Variants in MUC21 observed in about 807,000 individuals in gnomAD.
The protein encoded by MUC21 is mucin-21.
Under a neutral mutation model 9.1 loss-of-function variants are expected in MUC21, and 8 were observed. That is an observed-to-expected ratio of 0.88 (90% CI 0.52 to 1.59). MUC21 has a LOEUF of 1.59. MUC21 is among the 40% of genes most tolerant of loss of function. MUC21 has a pLI of 0.00. For synonymous variants in MUC21, 189 were observed against 275.2 expected, an observed-to-expected ratio of 0.69 and a Z score of 3.10; for missense variants, 478 against 694.2, an observed-to-expected ratio of 0.69 and a Z score of 3.50.
chr6:30,986,161 T>A (rs1762233430), intron 1 of MUC21, 76 bp from the exon 2 acceptor site: 1 of 1,224,798 alleles, frequency 8.2e-7, no homozygotes, highest in Non-Finnish European at 1.2e-6. Flanking sequence ...AATAAAATTA[T>A]GTAATGAATT....
chr6:30,986,312 C>G lies in MUC21; in HGVS notation c.137C>G (p.Thr46Ser), dbSNP rs1562528334. ...SVISSGASTA[T>S]NSGSSVTSSG... ...ATCTCCAGTGGAGCCAGCACAGCCA[C>G]CAACTCTGGGTCCAGTGTGACCTCC... Residue 46 changes from threonine to serine, a missense_variant, in exon 2 of 3, where the codon ACC becomes AGC. This residue lies in a region of MUC21 where 110 missense variants were observed against 108.3 expected (regional missense o/e 1.02). Transcript: ENST00000376296. 6.2e-7 allele frequency: 1 copy of G among 1,613,880 alleles called. No individual in the cohort carries two copies. The highest frequency in any genetic ancestry group is 8.5e-7 in the Non-Finnish European group (1 of 1,179,834).
chr6:30,987,166 AC>A lies in MUC21; in HGVS notation c.993del (p.Asn332ThrfsTer111). 3.1e-6 allele frequency: 5 copies of A among 1,602,260 alleles called. No individual in the cohort carries two copies. In the Admixed American group the frequency reaches 6.8e-5, roughly 22 times the overall value. ...AACCTCCAGTGGGGCCAGCACAGCC[AC>A]CAACTCTGAGTCCAGCACGACCTCC... Reference protein sequence around the residue: ...STTSSGASTATNSESSTTSSG... With the variant: ...STTSSGASTAXNSESSTTSSG... On this transcript the variant is annotated frameshift_variant, in exon 2 of 3. Coordinates refer to ENST00000376296, the MANE Select transcript of MUC21 (RefSeq NM_001010909.5). LOFTEE classifies it high-confidence loss of function.
rs748438705 is a variant in MUC21, at chr6:30,983,998, C to T, written c.40C>T (p.Leu14=). 1.3e-6 allele frequency: 1 copy of T among 779,686 alleles called. No homozygotes were observed. Among genetic ancestry groups the T allele is most frequent in the African/African-American group, 1.7e-5 (1 of 59,116 alleles). 48.3% of individuals were successfully genotyped at this position (779,686 alleles called of 1,614,324 possible). Residue 14 remains leucine, a synonymous_variant, in exon 1 of 3, where the codon CTA becomes TTA. Coordinates refer to ENST00000376296, the MANE Select transcript of MUC21 (RefSeq NM_001010909.5). ...AGGAAATGTTCTCCTTATGTTTGGT[C>T]TACTATTGCATTTAGAAGCTGGTGA... The part of the protein sequence containing the change: ...QKGNVLLMFG[L]LLHLEAATNS...
At position 30,988,489 on chromosome 6, in the gene MUC21, A is replaced by C; in HGVS notation, c.*295A>C. 1 of 355,014 alleles carries C rather than the reference A, an allele frequency of 2.8e-6. No individual in the cohort carries two copies. 22.0% of individuals were successfully genotyped at this position (355,014 alleles called of 1,614,324 possible). A position where few individuals can be genotyped will look rare whatever the true frequency, so the allele number is the denominator to read the frequency against. Reference sequence around the variant, plus strand: ...GAGATGAACTCAGTTATAGGAGAAAACCTCCATGCTGGACTCCATCTGGCA... The same window carrying C: ...GAGATGAACTCAGTTATAGGAGAAACCCTCCATGCTGGACTCCATCTGGCA... On this transcript the variant is annotated 3_prime_UTR_variant, in exon 3 of 3. Coordinates refer to ENST00000376296, the MANE Select transcript of MUC21 (RefSeq NM_001010909.5).
intron 1 of MUC21, 45 bp from the exon 2 acceptor site, chr6:30,986,192 A>C (rs1436394659): frequency 6.7e-7 from 1 of 1,503,136 alleles, no homozygotes; most frequent in Non-Finnish European, 9.0e-7. Flanking sequence ...ATAAGCAGAA[A>C]GTATATACAC....
At chr6:30,984,147 C>T (rs1762154946) in intron 1 of MUC21, 128 bp downstream of exon 1, 2 of 645,660 alleles carry the variant, frequency 3.1e-6, no homozygotes, top group South Asian at 3.8e-5. Flanking sequence ...ACTCGAATCA[C>T]TTCAGCCTAA....
At chr6:30,987,740 A>G (rs972558620) in intron 2 of MUC21, 59 bp downstream of exon 2, 1 of 1,579,288 alleles carries the variant, frequency 6.3e-7, no homozygotes, top group Non-Finnish European at 8.6e-7. Flanking sequence ...ACACAAGGAA[A>G]TGGGTGTGAA....
intron 1 of MUC21, among the ~76,000 whole-genome samples, chr6:30,984,593 C>T (rs1168591397): frequency 6.7e-6 from 1 of 150,354 alleles, no homozygotes; most frequent in Non-Finnish European, 1.5e-5. Context: ...TCGCTTGAAC[C>T]CGGGAGGCGG....
chr6:30,983,871 C>T lies in MUC21; in HGVS notation c.-88C>T. Reference sequence around the variant, plus strand: ...CTTTATCTCTTCACCTTCAAGTCCCCTTTCTCAAGAATCCTCTGTTCTTTG... The same window carrying T: ...CTTTATCTCTTCACCTTCAAGTCCCTTTTCTCAAGAATCCTCTGTTCTTTG... On this transcript the variant is annotated 5_prime_UTR_variant, in exon 1 of 3. Coordinates refer to ENST00000376296, the MANE Select transcript of MUC21 (RefSeq NM_001010909.5). 1.4e-6 allele frequency: 1 copy of T among 709,960 alleles called. No individual in the cohort carries two copies. Among genetic ancestry groups the T allele is most frequent in the Non-Finnish European group, 2.6e-6 (1 of 386,406 alleles). The allele number at this position is 709,960 out of a possible 1,614,324, so 44.0% of individuals were successfully genotyped here. A position where few individuals can be genotyped will look rare whatever the true frequency, so the allele number is the denominator to read the frequency against.
Position 30,988,118 on chromosome 6 carries a change from G to A in MUC21, c.1625G>A (p.Trp542Ter). The part of the protein sequence containing the change: ...GNHGAPHRPR[W>*]SPNWFWRRPV... Reference sequence around the variant, plus strand: ...CATGGAGCCCCCCACAGGCCCAGGTGGAGTCCTAACTGGTTCTGGAGGAGA... The same window carrying A: ...CATGGAGCCCCCCACAGGCCCAGGTAGAGTCCTAACTGGTTCTGGAGGAGA... Residue 542 changes from tryptophan to a stop codon, truncating the protein, a stop_gained, in exon 3 of 3, where the codon TGG becomes TAG. Transcript: ENST00000376296. LOFTEE classifies it low-confidence loss of function (END_TRUNC). The A allele has an allele frequency of 1.2e-6, 2 of 1,612,992 alleles. No individual in the cohort carries two copies. The highest frequency in any genetic ancestry group is 1.7e-6 in the Non-Finnish European group (2 of 1,180,000).
chr6:30,988,262 C>A lies in MUC21; in HGVS notation c.*68C>A. The A allele has an allele frequency of 1.4e-6, 2 of 1,448,642 alleles. No homozygotes were observed. Among genetic ancestry groups the A allele is most frequent in the East Asian group, 2.4e-5 (1 of 41,880 alleles). The allele number at this position is 1,448,642 out of a possible 1,614,324, so 89.7% of individuals were successfully genotyped here. A position where few individuals can be genotyped will look rare whatever the true frequency, so the allele number is the denominator to read the frequency against. ...ACCTGGGCACCCAAGACCTGGTTTC[C>A]TTTCATTCATCCCAGGAGACCCCTC... is the stretch of plus-strand genomic sequence containing the variant. On this transcript the variant is annotated 3_prime_UTR_variant, in exon 3 of 3. Transcript: ENST00000376296.
At position 30,987,987 on chromosome 6, in the gene MUC21, CTTCT is replaced by C. The variant is rs768499673; in HGVS notation, c.1507-10_1507-7del. ...GGATGCAATTCTGAAACTATTGACTCTTCTTTTTTTAGAGAAACAGCCTGTCCCT... is the reference window on the plus strand; with the variant it reads ...GGATGCAATTCTGAAACTATTGACTCTTTTTTAGAGAAACAGCCTGTCCCT... On this transcript the variant is annotated splice_polypyrimidine_tract_variant and intron_variant, in intron 2 of 2. Coordinates refer to ENST00000376296, the MANE Select transcript of MUC21 (RefSeq NM_001010909.5). 6 of 1,093,950 alleles carry C rather than the reference CTTCT, an allele frequency of 5.5e-6. No homozygotes were observed. In the African/African-American group the frequency reaches 9.2e-5, roughly 17 times the overall value. 67.8% of individuals were successfully genotyped at this position (1,093,950 alleles called of 1,614,324 possible).
Position 30,988,093 on chromosome 6 carries a change from C to T in MUC21, c.1600C>T (p.His534Tyr). Residue 534 changes from histidine (H) to tyrosine (Y), a missense_variant, in exon 3 of 3, where the codon CAT becomes TAT. Physicochemically the swap from His to Tyr is moderately conservative, Grantham distance 83 (BLOSUM62 2). This residue lies in a region of MUC21 where 158 missense variants were observed against 192.6 expected (regional missense o/e 0.82). Transcript: ENST00000376296. ...HGLGPGPGGN[H>Y]GAPHRPRWSP... ...CCTTGGTCCAGGCCCTGGAGGGAAT[C>T]ATGGAGCCCCCCACAGGCCCAGGTG... 1 of 1,611,158 alleles carries T rather than the reference C, an allele frequency of 6.2e-7. No individual in the cohort carries two copies. Among genetic ancestry groups the T allele is most frequent in the Non-Finnish European group, 8.5e-7 (1 of 1,178,310 alleles).
Position 30,989,632 on chromosome 6 carries a change from A to T in MUC21, c.*1438A>T, listed in dbSNP as rs1192922931. 6.6e-6 allele frequency: 1 copy of T among 152,026 alleles called. No homozygotes were observed. The highest frequency in any genetic ancestry group is 1.5e-5 in the Non-Finnish European group (1 of 68,012). The allele number at this position is 152,026 out of a possible 1,614,324, so 9.4% of individuals were successfully genotyped here. On this transcript the variant is annotated 3_prime_UTR_variant, in exon 3 of 3. Coordinates refer to ENST00000376296, the MANE Select transcript of MUC21 (RefSeq NM_001010909.5). ...CACCTCGCCAGATGTCCAATGTCTG[A>T]CTCCTGCATACCAAGGTGTTCTGTA...
Position 30,987,651 on chromosome 6 carries a change from G to GGGGCTCTTTGCT in MUC21, c.1485_1496dup (p.Ala496_Phe499dup). ...CCCTGGTCTCGGTTGTGGCGGCCGT[G>GGGGCTCTTTGCT]GGGCTCTTTGCTGGGCTCTTCTTCT... On this transcript the variant is annotated inframe_insertion, in exon 2 of 3. Transcript: ENST00000376296. The GGGGCTCTTTGCT allele has an allele frequency of 6.2e-7, 1 of 1,614,016 alleles. No individual in the cohort carries two copies. The highest frequency in any genetic ancestry group is 1.3e-5 in the African/African-American group (1 of 75,028).
chr6:30,984,942 T>G (rs1244616463), intron 1 of MUC21, among the ~76,000 whole-genome samples: 2 of 151,234 alleles, frequency 1.3e-5, no homozygotes, highest in African/African-American at 4.9e-5. Flanking sequence ...TCCACTATAC[T>G]CCAGCCTGGG....
At chr6:30,986,127 G>A in intron 1 of MUC21, 110 bp from the exon 2 acceptor site, 2 of 962,380 alleles carry the variant, frequency 2.1e-6, no homozygotes, top group Non-Finnish European at 3.1e-6. Flanking sequence ...TAGCATCTAT[G>A]TTATAGCACC....
rs561114488 is a variant in MUC21, at chr6:30,985,335, A to G, written c.62-902A>G. 2.6e-5 allele frequency among the ~76,000 whole-genome samples: 4 copies of G among 152,308 alleles called. No individual in the cohort carries two copies. In the East Asian group the frequency reaches 7.7e-4, roughly 29 times the overall value. The stretch of plus-strand genomic sequence containing the variant: ...AGTGATCAAGGGCCCCTGGAACTTG[A>G]ATGCATATAGTCACCTGGCTTCTTG... On this transcript the variant is annotated intron_variant, in intron 1 of 2. Coordinates refer to ENST00000376296, the MANE Select transcript of MUC21 (RefSeq NM_001010909.5).
intron 1 of MUC21, among the ~76,000 whole-genome samples, chr6:30,984,897 C>T (rs368481519): frequency 2.6e-5 from 4 of 151,898 alleles, no homozygotes; most frequent in Admixed American, 6.6e-5. Flanking sequence ...ATCGCTTGAA[C>T]GTGGGAGGCG....
Sources: allele counts gnomAD v4.1 joint callset (sites outside exome capture counted in the v4.1 genomes callset), GRCh38; gene constraint gnomAD v4.1.1; regional missense constraint gnomAD v4.1.1; transcripts MANE v1.5; gene names NCBI Gene and HGNC (gene_info 2026-07-23, HGNC 2026-07-21).